The following ZUP1 variants were observed in gnomAD, a reference collection of about 807,000 sequenced individuals.
ZUP1 encodes zinc finger-containing ubiquitin peptidase 1.
Under a neutral mutation model 68.1 loss-of-function variants are expected in ZUP1, and 55 were observed. The ratio of observed to expected loss-of-function variants is 0.81; its 90% CI spans 0.65 to 1.01. The LOEUF is 1.01. Ranked by LOEUF, ZUP1 falls within the 50% of genes least tolerant of loss-of-function variation. The probability of loss-of-function intolerance (pLI) is 0.00; values close to 1 mark genes in which losing one functional copy is unlikely to be tolerated. For synonymous variants in ZUP1, 223 were observed against 221.5 expected (o/e 1.01, Z -0.06); for missense variants, 684 against 674.9 (o/e 1.01, Z -0.15).
At chr6:116,642,051 C>T (rs995140711) in intron 9 of ZUP1, among the ~76,000 whole-genome samples, 1 of 152,042 alleles carries the variant, frequency 6.6e-6, no homozygotes, top group Non-Finnish European at 1.5e-5. Flanking sequence ...GAGAATACTA[C>T]AAACACCTCT....
At chr6:116,641,599 T>C (rs1390689987) in intron 9 of ZUP1, among the ~76,000 whole-genome samples, 3 of 151,948 alleles carry the variant, frequency 2.0e-5, no homozygotes, top group East Asian at 1.9e-4. Context: ...ACTGGGTACA[T>C]AACGAAATGA....
intron 5 of ZUP1, among the ~76,000 whole-genome samples, chr6:116,653,564 A>G (rs1776577895): frequency 6.6e-6 from 1 of 152,068 alleles, no homozygotes; most frequent in South Asian, 2.1e-4. Context: ...GATCACTGTA[A>G]CCACTTCCAA....
chr6:116,658,436 C>CTT (rs1301002027), intron 4 of ZUP1, among the ~76,000 whole-genome samples: 2 of 152,166 alleles, frequency 1.3e-5, no homozygotes, highest in African/African-American at 4.8e-5. Context: ...AATTCTGAGT[C>CTT]TTGGTTTCCT....
At chr6:116,656,121 C>T (rs1202690296) in intron 5 of ZUP1, among the ~76,000 whole-genome samples, 2 of 151,362 alleles carry the variant, frequency 1.3e-5, no homozygotes, top group Non-Finnish European at 1.5e-5. Flanking sequence ...CTCTTGTTGC[C>T]CAGGCTGGAG....
intron 6 of ZUP1, 122 bp from the exon 7 acceptor site, chr6:116,651,859 A>G: frequency 2.1e-6 from 3 of 1,404,210 alleles, no homozygotes; most frequent in Non-Finnish European, 2.9e-6. Context: ...GACATCTTCT[A>G]TCATTTTCTC....
At chr6:116,662,374 T>C (rs1170242853) in intron 2 of ZUP1, among the ~76,000 whole-genome samples, 1 of 151,688 alleles carries the variant, frequency 6.6e-6, no homozygotes, top group Non-Finnish European at 1.5e-5. Flanking sequence ...CTACACCTCA[T>C]ATCCCAGTAT....
intron 4 of ZUP1, among the ~76,000 whole-genome samples, chr6:116,658,458 T>C (rs1776733340): frequency 6.6e-6 from 1 of 152,188 alleles, no homozygotes; most frequent in African/African-American, 2.4e-5. Flanking sequence ...ATTTGTCCCA[T>C]CAACTTACAC....
chr6:116,637,184 G>A (rs2115373955), intron 9 of ZUP1, among the ~76,000 whole-genome samples: 1 of 152,236 alleles, frequency 6.6e-6, no homozygotes, highest in Non-Finnish European at 1.5e-5. Flanking sequence ...TAGGGCTCCA[G>A]ATGCAAACTG....
rs1238902259 is a variant in ZUP1, at chr6:116,666,843, C to G, written c.350G>C (p.Gly117Ala). ...LTKDSTLKHE[G>A]FYSENLTESR... ...TTCAGTTAAGTTCTCTGAATAGAAGCCTTCATGTTTTAAAGTACTATCTTT... is the reference window on the plus strand; with the variant it reads ...TTCAGTTAAGTTCTCTGAATAGAAGGCTTCATGTTTTAAAGTACTATCTTT... Residue 117 changes from glycine to alanine, a missense_variant, in exon 2 of 10, where the codon GGC becomes GCC. Physicochemically the swap from Gly to Ala is moderately conservative, Grantham distance 60. Transcript: ENST00000368576. 3.7e-6 allele frequency: 6 copies of G among 1,610,664 alleles called. No individual in the cohort carries two copies. Among genetic ancestry groups the G allele is most frequent in the Non-Finnish European group, 4.2e-6 (5 of 1,179,042 alleles).
intron 8 of ZUP1, among the ~76,000 whole-genome samples, chr6:116,647,094 T>C (rs1055702260): frequency 1.3e-5 from 2 of 152,166 alleles, no homozygotes; most frequent in Non-Finnish European, 2.9e-5. Flanking sequence ...AAGAAAGTAT[T>C]GTACTGTCAA....
intron 4 of ZUP1, among the ~76,000 whole-genome samples, 178 bp from the exon 5 acceptor site, chr6:116,657,030 A>C (rs1469911372): frequency 1.3e-5 from 2 of 151,802 alleles, no homozygotes; most frequent in African/African-American, 4.8e-5. Context: ...CACACAAAAA[A>C]AAATTATTGA....
chr6:116,642,309 A>C (rs969209228), intron 9 of ZUP1, among the ~76,000 whole-genome samples: 1 of 152,184 alleles, frequency 6.6e-6, no homozygotes, highest in Non-Finnish European at 1.5e-5. Flanking sequence ...CAATAGAAAA[A>C]GAGGGAATCC....
In ZUP1 at chr6:116,645,894, G is replaced by A. The variant is rs141299898; in HGVS notation, c.1509C>T (p.Asn503=). Reference sequence around the variant, plus strand: ...CAAGTATTAGTAAGCATAATGTTCGGTTTTTTTTCTCTTCAATTCCAATAA... The same window carrying A: ...CAAGTATTAGTAAGCATAATGTTCGATTTTTTTTCTCTTCAATTCCAATAA... The part of the protein sequence containing the change: ...RTVIGIEEKK[N]RTLCLLILDP... The change falls in exon 9 of 10, where the codon AAC becomes AAT. Residue 503 remains asparagine, a synonymous_variant. Transcript: ENST00000368576. 4 of 1,612,868 alleles carry A rather than the reference G, an allele frequency of 2.5e-6. No homozygotes were observed. The highest frequency in any genetic ancestry group is 3.4e-6 in the Non-Finnish European group (4 of 1,179,630).
chr6:116,644,093 C>T (rs1219189648), intron 9 of ZUP1, among the ~76,000 whole-genome samples: 8 of 152,306 alleles, frequency 5.3e-5, no homozygotes, highest in South Asian at 2.1e-4. Flanking sequence ...AAAAAATGCT[C>T]ATCATCACTG....
At chr6:116,641,373 C>A (rs1365715840) in intron 9 of ZUP1, among the ~76,000 whole-genome samples, 1 of 152,188 alleles carries the variant, frequency 6.6e-6, no homozygotes, top group Non-Finnish European at 1.5e-5. Flanking sequence ...CACCCCAAAT[C>A]AGCAGAATAT....
intron 3 of ZUP1, 33 bp downstream of exon 3, chr6:116,660,703 A>T: frequency 8.1e-7 from 1 of 1,234,138 alleles, no homozygotes; most frequent in Non-Finnish European, 1.2e-6. Flanking sequence ...TAGAAATTAA[A>T]TGATATTTTT....
chr6:116,661,178 G>A (rs1405237345), intron 2 of ZUP1, among the ~76,000 whole-genome samples: 2 of 151,918 alleles, frequency 1.3e-5, no homozygotes, highest in Non-Finnish European at 2.9e-5. Context: ...GCCCAGCCAA[G>A]TTGGTTTTAT....
intron 8 of ZUP1, among the ~76,000 whole-genome samples, chr6:116,646,587 G>A (rs1255141061): frequency 2.0e-5 from 3 of 152,122 alleles, no homozygotes; most frequent in Non-Finnish European, 2.9e-5. Flanking sequence ...TGAGTTGTAC[G>A]TGTTTTTGAC....
chr6:116,656,858 G>A lies in ZUP1; in HGVS notation c.793-6C>T, dbSNP rs375408058. Reference sequence around the variant, plus strand: ...TTATCTAAACCATATTGTCTCTATTGAACATAAAAATAAATGACTTAATTT... The same window carrying A: ...TTATCTAAACCATATTGTCTCTATTAAACATAAAAATAAATGACTTAATTT... On this transcript the variant is annotated splice_region_variant and splice_polypyrimidine_tract_variant and intron_variant, in intron 4 of 9. Transcript: ENST00000368576. 3.3e-5 allele frequency: 52 copies of A among 1,556,742 alleles called. No homozygotes were observed. Among genetic ancestry groups the A allele is most frequent in the Non-Finnish European group, 3.7e-5 (43 of 1,152,046 alleles).
Sources: allele counts gnomAD v4.1 joint callset (sites outside exome capture counted in the v4.1 genomes callset), GRCh38; gene constraint gnomAD v4.1.1; transcripts MANE v1.5; gene names NCBI Gene and HGNC (gene_info 2026-07-23, HGNC 2026-07-21).